The following UQCC1 variants were observed in gnomAD, a reference collection of about 807,000 sequenced individuals.
The protein encoded by UQCC1 is bFGF-repressed Zic-binding protein.
In UQCC1, 38 loss-of-function variants were observed where a neutral mutation model predicts 48.0. The ratio of observed to expected loss-of-function variants is 0.79; its 90% CI spans 0.61 to 1.04. The LOEUF (loss-of-function observed/expected upper bound fraction) is 1.04, where lower values mean the gene tolerates loss of function less well. Among genes scored for constraint, UQCC1 ranks in the 50% least tolerant of loss-of-function variants. UQCC1 has a pLI of 0.00. For synonymous variants in UQCC1, 111 were observed against 129.2 expected, an observed-to-expected ratio of 0.86 and a Z score of 0.95; for missense variants, 368 against 381.8, an observed-to-expected ratio of 0.96 and a Z score of 0.30.
intron 3 of UQCC1, among the ~76,000 whole-genome samples, chr20:35,383,071 G>C (rs1269250952): frequency 2.0e-5 from 3 of 151,242 alleles, no homozygotes; most frequent in Non-Finnish European, 2.9e-5. Context: ...GATGTAATAG[G>C]AAAAGGAAAA....
intron 6 of UQCC1, among the ~76,000 whole-genome samples, chr20:35,351,391 CA>C (rs11478013): frequency 0.036 from 4,287 of 119,716 alleles, 168 homozygotes; most frequent in East Asian, 0.15. Flanking sequence ...GACTCCATCT[CA>C]AAAAAAAAAA....
chr20:35,338,874 A>G (rs1568666045), intron 7 of UQCC1, among the ~76,000 whole-genome samples: 2 of 58,432 alleles, frequency 3.4e-5, no homozygotes, highest in East Asian at 2.8e-4. Flanking sequence ...AAAAAAAAAA[A>G]AAAAAAAAAA....
intron 7 of UQCC1, among the ~76,000 whole-genome samples, chr20:35,318,838 C>T (rs1419790337): frequency 5.9e-5 from 9 of 152,190 alleles, no homozygotes; most frequent in African/African-American, 1.4e-4. Context: ...GCAGGATATT[C>T]GCTCTGGTGA....
At chr20:35,325,128 A>G (rs2061178034) in intron 7 of UQCC1, among the ~76,000 whole-genome samples, 1 of 152,260 alleles carries the variant, frequency 6.6e-6, no homozygotes, top group East Asian at 1.9e-4. Context: ...TTTGATTTAT[A>G]TGAGGTACTT....
chr20:35,411,613 C>G (rs2062365654), intron 1 of UQCC1, among the ~76,000 whole-genome samples: 1 of 152,132 alleles, frequency 6.6e-6, no homozygotes, highest in African/African-American at 2.4e-5. Flanking sequence ...GGACTAGAAC[C>G]CAGGCCTCCT....
chr20:35,404,194 G>A (rs1455595291), intron 1 of UQCC1, among the ~76,000 whole-genome samples: 4 of 152,042 alleles, frequency 2.6e-5, no homozygotes, highest in Non-Finnish European at 4.4e-5. Context: ...ACGGTGAAAT[G>A]CCGTCTCTAC....
chr20:35,377,805 T>TC (rs2061819733), intron 4 of UQCC1, among the ~76,000 whole-genome samples: 1 of 152,166 alleles, frequency 6.6e-6, no homozygotes, highest in African/African-American at 2.4e-5. Context: ...GAAGGAAGCT[T>TC]CCCCAACAAC....
At chr20:35,336,662 T>C (rs1196841492) in intron 7 of UQCC1, among the ~76,000 whole-genome samples, 1 of 152,122 alleles carries the variant, frequency 6.6e-6, no homozygotes, top group Non-Finnish European at 1.5e-5. Context: ...TGGCCTCCGG[T>C]ACTGTAAGAG....
intron 7 of UQCC1, among the ~76,000 whole-genome samples, chr20:35,338,551 T>C (rs914104752): frequency 6.6e-6 from 1 of 151,696 alleles, no homozygotes; most frequent in Non-Finnish European, 1.5e-5. Context: ...AAATATGTAT[T>C]AGAAATCTTT....
intron 7 of UQCC1, among the ~76,000 whole-genome samples, chr20:35,328,559 T>C (rs1031620290): frequency 6.6e-6 from 1 of 152,132 alleles, no homozygotes; most frequent in African/African-American, 2.4e-5. Flanking sequence ...GAAACAGGCA[T>C]AGAGACCTTG....
intron 7 of UQCC1, among the ~76,000 whole-genome samples, chr20:35,316,773 G>A (rs1464917119): frequency 1.3e-5 from 2 of 151,776 alleles, no homozygotes; most frequent in African/African-American, 2.4e-5. Flanking sequence ...CAAGTAGCTG[G>A]GACTACAGGT....
intron 2 of UQCC1, 83 bp from the exon 3 acceptor site, chr20:35,384,216 T>A (rs1345154700): frequency 2.4e-6 from 3 of 1,256,034 alleles, no homozygotes; most frequent in Non-Finnish European, 3.4e-6. Flanking sequence ...GTAAAGACTA[T>A]AGGATCTTTC....
chr20:35,325,811 G>T (rs940323126), intron 7 of UQCC1, among the ~76,000 whole-genome samples: 1 of 151,984 alleles, frequency 6.6e-6, no homozygotes, highest in Non-Finnish European at 1.5e-5. Context: ...TAAAGGCACA[G>T]GGAGGTGAAC....
intron 6 of UQCC1, among the ~76,000 whole-genome samples, chr20:35,364,357 G>GC (rs1326420094): frequency 1.6e-4 from 25 of 152,298 alleles, no homozygotes; most frequent in African/African-American, 5.8e-4. Flanking sequence ...TCACTGGCAT[G>GC]CATTATAGGC....
At chr20:35,390,923 T>TG (rs2097822487) in intron 2 of UQCC1, among the ~76,000 whole-genome samples, 1 of 152,086 alleles carries the variant, frequency 6.6e-6, no homozygotes, top group African/African-American at 2.4e-5. Flanking sequence ...ATATTATAGG[T>TG]GGTAGCTCAC....
intron 7 of UQCC1, among the ~76,000 whole-genome samples, chr20:35,323,038 G>A (rs963360985): frequency 3.3e-5 from 5 of 152,044 alleles, no homozygotes; most frequent in Non-Finnish European, 7.4e-5. Context: ...TAGTAGAGAC[G>A]GGGTTTCACC....
chr20:35,341,206 G>C (rs1042798281), intron 7 of UQCC1, among the ~76,000 whole-genome samples: 8 of 129,894 alleles, frequency 6.2e-5, no homozygotes, highest in African/African-American at 2.4e-4. Flanking sequence ...GGGTGACAGA[G>C]AGAGACTCCG....
chr20:35,349,137 G>A (rs1009950239), intron 6 of UQCC1, among the ~76,000 whole-genome samples: 2 of 152,180 alleles, frequency 1.3e-5, no homozygotes, highest in Admixed American at 1.3e-4. Context: ...ACAATGAAAT[G>A]ATTACAGCTT....
intron 7 of UQCC1, among the ~76,000 whole-genome samples, chr20:35,334,104 C>A (rs1224693746): frequency 3.3e-5 from 5 of 152,132 alleles, no homozygotes; most frequent in African/African-American, 1.2e-4. Context: ...ACCCTTAGAG[C>A]GACAAGAAGG....
Sources: allele counts gnomAD v4.1 joint callset (sites outside exome capture counted in the v4.1 genomes callset), GRCh38; gene constraint gnomAD v4.1.1; transcripts MANE v1.5; gene names NCBI Gene and HGNC (gene_info 2026-07-23, HGNC 2026-07-21).